PLG: variants seen among roughly 807,000 people sequenced by gnomAD.
PLG encodes plasminogen.
Under a neutral mutation model 104.4 loss-of-function variants are expected in PLG, and 41 were observed. The ratio of observed to expected loss-of-function variants is 0.39; its 90% confidence interval spans 0.31 to 0.51. The LOEUF (loss-of-function observed/expected upper bound fraction) is 0.51. PLG is among the 20% of genes least tolerant of loss of function. The probability of loss-of-function intolerance (pLI) is 0.76; values close to 1 mark genes in which losing one functional copy is unlikely to be tolerated. For synonymous variants in PLG, 337 were observed against 357.1 expected, an observed-to-expected ratio of 0.94 and a Z score of 0.63; for missense variants, 891 against 1,003.6, an observed-to-expected ratio of 0.89 and a Z score of 1.52.
At chr6:160,709,014 C>T (rs1202406940) in intron 3 of PLG, among the ~76,000 whole-genome samples, 7 of 151,436 alleles carry the variant, frequency 4.6e-5, no homozygotes, top group African/African-American at 1.5e-4. Flanking sequence ...CTACAAAATG[C>T]TAACATTTAA....
In PLG at chr6:160,706,425, A is replaced by T. The variant is rs748555046; in HGVS notation, c.68A>T (p.Asp23Val). ...FLKSGQGEPLDDYVNTQGASL... is the reference protein window; with the variant it reads ...FLKSGQGEPLVDYVNTQGASL... ...CCTCTAGGTCAAGGAGAGCCTCTGGATGACTATGTGAATACCCAGGGGGCT... is the reference window on the plus strand; with the variant it reads ...CCTCTAGGTCAAGGAGAGCCTCTGGTTGACTATGTGAATACCCAGGGGGCT... Residue 23 changes from aspartate (D) to valine (V), a missense_variant, in exon 2 of 19, where the codon GAT (aspartate) becomes GTT (valine). By Grantham distance (152) the Asp-to-Val change is radical (BLOSUM62 -3). Around this residue, in one of 2 missense-constraint regions of PLG, gnomAD observed 854 missense variants for 932.1 expected, o/e 0.92. Coordinates refer to ENST00000308192, the MANE Select transcript of PLG (RefSeq NM_000301.5). The T allele has an allele frequency of 4.3e-6, 7 of 1,613,256 alleles. No homozygotes were observed. In the African/African-American group the frequency reaches 5.3e-5, roughly 12 times the overall value.
At chr6:160,704,899 C>A (rs958574534) in intron 1 of PLG, among the ~76,000 whole-genome samples, 1 of 152,194 alleles carries the variant, frequency 6.6e-6, no homozygotes, top group Non-Finnish European at 1.5e-5. Flanking sequence ...TGTTCATTTG[C>A]TTTCCTACTG....
chr6:160,707,276 A>G lies in PLG; in HGVS notation c.186-424A>G, dbSNP rs1197652794. On this transcript the variant is annotated intron_variant, in intron 2 of 18. Coordinates refer to ENST00000308192, the MANE Select transcript of PLG (RefSeq NM_000301.5). ...AGCAGGACCACGGGATGGAGATGGG[A>G]GGGGTCAGGGGCCAGGGTGGGGTGG... Among the ~76,000 whole-genome samples, 5 of 151,264 alleles carry G rather than the reference A, an allele frequency of 3.3e-5. No homozygotes were observed. In the East Asian group the frequency reaches 9.8e-4, roughly 30 times the overall value.
At chr6:160,720,473 G>T (rs1474049219) in intron 9 of PLG, among the ~76,000 whole-genome samples, 2 of 127,142 alleles carry the variant, frequency 1.6e-5, no homozygotes, top group Non-Finnish European at 3.1e-5. Flanking sequence ...AGGCTGGAGT[G>T]CAGTGGCGCA....
intron 17 of PLG, among the ~76,000 whole-genome samples, chr6:160,748,350 G>GAGAAACAAAGAA (rs1554252936): frequency 2.0e-5 from 1 of 49,404 alleles, no homozygotes; most frequent in African/African-American, 7.0e-5. Context: ...AGAAAAGAAA[G>GAGAAACAAAGAA]AGAAAGAAAG....
At chr6:160,747,812 G>A (rs1045474825) in intron 17 of PLG, among the ~76,000 whole-genome samples, 2 of 152,164 alleles carry the variant, frequency 1.3e-5, no homozygotes, top group African/African-American at 4.8e-5. Context: ...GGCAAAGGAG[G>A]AACACCTATG....
chr6:160,746,837 C>T (rs1778284930), intron 17 of PLG, among the ~76,000 whole-genome samples: 1 of 152,146 alleles, frequency 6.6e-6, no homozygotes, highest in African/African-American at 2.4e-5. Flanking sequence ...TCTTTGGTTT[C>T]ATAGTGTGGT....
chr6:160,707,675 T>C (rs762347766), intron 2 of PLG, 25 bp from the exon 3 acceptor site: 7 of 1,542,664 alleles, frequency 4.5e-6, no homozygotes, highest in African/African-American at 1.4e-5. Context: ...AAAATACTTA[T>C]TGGATTTCCT....
Position 160,719,764 on chromosome 6 carries a change from T to A in PLG, c.1096+926T>A, listed in dbSNP as rs1314593665. 6.6e-6 allele frequency among the ~76,000 whole-genome samples: 1 copy of A among 152,204 alleles called. No individual in the cohort carries two copies. The highest frequency in any genetic ancestry group is 1.5e-5 in the Non-Finnish European group (1 of 68,020). ...TCTACTTGACATATGAATCCTTACATCATTGCAGTTCTACTTCCTCCCTCC... is the reference window on the plus strand; with the variant it reads ...TCTACTTGACATATGAATCCTTACAACATTGCAGTTCTACTTCCTCCCTCC... On this transcript the variant is annotated intron_variant, in intron 9 of 18. Transcript: ENST00000308192. The surrounding 1 kb of genome is among the most constrained non-coding windows in gnomAD (Gnocchi z 4.1).
In PLG at chr6:160,719,796, G is replaced by T. The variant is rs1382186161; in HGVS notation, c.1096+958G>T. Among the ~76,000 whole-genome samples the T allele has an allele frequency of 1.3e-5, 2 of 152,046 alleles. No individual in the cohort carries two copies. Among genetic ancestry groups the T allele is most frequent in the African/African-American group, 4.8e-5 (2 of 41,376 alleles). On this transcript the variant is annotated intron_variant, in intron 9 of 18. Transcript: ENST00000308192. This position sits in a 1 kb window ranked among gnomAD's most constrained non-coding sequence, Gnocchi z 4.1. ...AGTTCTACTTCCTCCCTCCCAAAAT[G>T]CTATACTATTACTCTTTGTAATAGA...
At chr6:160,707,983 A>G (rs1777563804) in intron 3 of PLG, 177 bp downstream of exon 3, 1 of 606,118 alleles carries the variant, frequency 1.6e-6, no homozygotes, top group African/African-American at 1.9e-5. Flanking sequence ...GCTTGAGTGT[A>G]TTACTTCACC....
intron 1 of PLG, among the ~76,000 whole-genome samples, chr6:160,703,804 T>A (rs1777468640): frequency 6.6e-6 from 1 of 152,234 alleles, no homozygotes; most frequent in Admixed American, 6.5e-5. Flanking sequence ...AAAGGCTAGA[T>A]CAAACTTCTC....
rs1001224509 is a variant in PLG at position 160,736,842 on chromosome 6, G to T, written c.1682-45G>T. 2 of 1,611,422 alleles carry T rather than the reference G, an allele frequency of 1.2e-6. No homozygotes were observed. Among genetic ancestry groups the T allele is most frequent in the Admixed American group, 1.7e-5 (1 of 59,954 alleles). ...TTGTCTCGAATTACACCACAAAATT[G>T]CTACCTTGTCTCAAATGGGATTTCT... On this transcript the variant is annotated intron_variant, in intron 13 of 18. Transcript: ENST00000308192. The surrounding 1 kb of genome is among the most constrained non-coding windows in gnomAD (Gnocchi z 5.2).
intron 1 of PLG, 146 bp from the exon 2 acceptor site, chr6:160,706,261 T>A (rs1562370610): frequency 5.7e-6 from 6 of 1,051,150 alleles, no homozygotes; most frequent in Non-Finnish European, 4.3e-6. Flanking sequence ...CTAAACATTT[T>A]GATTCATAGC....
intron 17 of PLG, among the ~76,000 whole-genome samples, chr6:160,751,655 C>A (rs1778402139): frequency 6.6e-6 from 1 of 152,120 alleles, no homozygotes; most frequent in African/African-American, 2.4e-5. Flanking sequence ...AGCAGTAGCT[C>A]CCCTTAACAT....
rs1778085588 is a variant in PLG, at chr6:160,736,573, T to C, written c.1682-314T>C. ...ATACTGCATGGAGTCAGAATAACAA[T>C]GACAAATAACCATTTGTCCCAATCA... On this transcript the variant is annotated intron_variant, in intron 13 of 18. Transcript: ENST00000308192. This position sits in a 1 kb window ranked among gnomAD's most constrained non-coding sequence, Gnocchi z 5.2. Among the ~76,000 whole-genome samples, 1 of 152,206 alleles carries C rather than the reference T, an allele frequency of 6.6e-6. No individual in the cohort carries two copies. The highest frequency in any genetic ancestry group is 2.1e-4 in the South Asian group (1 of 4,830).
chr6:160,739,280 A>G lies in PLG; in HGVS notation c.2018+72A>G, dbSNP rs1778144867. On this transcript the variant is annotated intron_variant, in intron 16 of 18. Transcript: ENST00000308192. The surrounding 1 kb of genome is among the most constrained non-coding windows in gnomAD (Gnocchi z 4.4). ...GCTTTATGTCTGGGTTTTATGGGCC[A>G]TGGCCACTGCATGGCAGTGGGGAGG... is the stretch of plus-strand genomic sequence containing the variant. 8.1e-6 allele frequency: 13 copies of G among 1,595,278 alleles called. No individual in the cohort carries two copies. Among genetic ancestry groups the G allele is most frequent in the African/African-American group, 1.3e-5 (1 of 74,528 alleles).
chr6:160,734,361 G>T lies in PLG; in HGVS notation c.1681+273G>T, dbSNP rs1453329829. ...AGGTAATCTAGTCAGCCCCAGGATGGTCCCACTGAATGCTGCCATGTCTAG... is the reference window on the plus strand; with the variant it reads ...AGGTAATCTAGTCAGCCCCAGGATGTTCCCACTGAATGCTGCCATGTCTAG... On this transcript the variant is annotated intron_variant, in intron 13 of 18. Coordinates refer to ENST00000308192, the MANE Select transcript of PLG (RefSeq NM_000301.5). The surrounding 1 kb of genome is among the most constrained non-coding windows in gnomAD (Gnocchi z 4.4). 1.3e-5 allele frequency among the ~76,000 whole-genome samples: 2 copies of T among 152,138 alleles called. No individual in the cohort carries two copies. The highest frequency in any genetic ancestry group is 2.9e-5 in the Non-Finnish European group (2 of 68,032).
At position 160,732,678 on chromosome 6, in the gene PLG, C is replaced by T. The variant is rs1363530935; in HGVS notation, c.1587+785C>T. 6.6e-6 allele frequency among the ~76,000 whole-genome samples: 1 copy of T among 152,174 alleles called. No homozygotes were observed. The highest frequency in any genetic ancestry group is 1.5e-5 in the Non-Finnish European group (1 of 68,026). On this transcript the variant is annotated intron_variant, in intron 12 of 18. Transcript: ENST00000308192. This position sits in a 1 kb window ranked among gnomAD's most constrained non-coding sequence, Gnocchi z 4.5. ...TACTTTGCTAGAGTGGCTCACAGAA[C>T]TCAGGGGAACACGTTACTTTTATTT...
Sources: allele counts gnomAD v4.1 joint callset (sites outside exome capture counted in the v4.1 genomes callset), GRCh38; gene constraint gnomAD v4.1.1; regional missense constraint gnomAD v4.1.1; non-coding constraint Gnocchi (gnomAD v3.1); transcripts MANE v1.5; gene names NCBI Gene and HGNC (gene_info 2026-07-23, HGNC 2026-07-21).